PPHLN1: variants seen among roughly 807,000 people sequenced by gnomAD.
PPHLN1 encodes periphilin 1, also known as periphilin-1.
Under a neutral mutation model 51.3 loss-of-function variants are expected in PPHLN1, and 29 were observed. The observed-to-expected ratio is 0.57, with a 90% CI of 0.42 to 0.77. The LOEUF (loss-of-function observed/expected upper bound fraction) is 0.77, where lower values mean the gene tolerates loss of function less well. Among genes scored for constraint, PPHLN1 ranks in the 30% least tolerant of loss-of-function variants. The pLI is 0.00. For synonymous variants in PPHLN1, 147 were observed against 147.8 expected (o/e 0.99, Z 0.04); for missense variants, 436 against 438.4 (o/e 0.99, Z 0.05).
chr12:42,431,512 A>G (rs2082033926), intron 9 of PPHLN1, among the ~76,000 whole-genome samples: 1 of 152,188 alleles, frequency 6.6e-6, no homozygotes, highest in Non-Finnish European at 1.5e-5. Context: ...TTAACATATG[A>G]TTTATTCAGG....
At chr12:42,410,562 G>A (rs1168322562) in intron 9 of PPHLN1, among the ~76,000 whole-genome samples, 1 of 152,158 alleles carries the variant, frequency 6.6e-6, no homozygotes, top group Non-Finnish European at 1.5e-5. Context: ...TGTTTGTTTA[G>A]CAGTTATGAA....
chr12:42,441,146 G>A (rs2082915694), intron 9 of PPHLN1, among the ~76,000 whole-genome samples, 169 bp from the exon 10 acceptor site: 1 of 152,142 alleles, frequency 6.6e-6, no homozygotes, highest in Non-Finnish European at 1.5e-5. Context: ...ATGGATAGAG[G>A]TTTAAATGGC....
intron 9 of PPHLN1, among the ~76,000 whole-genome samples, chr12:42,411,470 G>A (rs188453251): frequency 6.8e-6 from 1 of 146,610 alleles, no homozygotes; most frequent in Non-Finnish European, 1.5e-5. Context: ...TGAGACCATC[G>A]TTACGAGACT....
intron 4 of PPHLN1, among the ~76,000 whole-genome samples, chr12:42,356,684 G>C (rs60598518): frequency 0.12 from 17,573 of 152,150 alleles, 1,296 homozygotes; most frequent in African/African-American, 0.21. Flanking sequence ...TCACCAAGTA[G>C]TTATAAAAAT....
At chr12:42,339,865 T>TCTA (rs59538027) in intron 2 of PPHLN1, among the ~76,000 whole-genome samples, 146,771 of 152,224 alleles carry the variant, frequency 0.96, 71,004 homozygotes, top group Middle Eastern at 1. Flanking sequence ...CACAGATACA[T>TCTA]CTGCTGTTGT....
At chr12:42,405,302 T>A (rs1011155529) in intron 9 of PPHLN1, among the ~76,000 whole-genome samples, 7 of 152,254 alleles carry the variant, frequency 4.6e-5, no homozygotes, top group African/African-American at 1.2e-4. Context: ...CTCTTAACTA[T>A]TGTTTAATTC....
intron 9 of PPHLN1, among the ~76,000 whole-genome samples, chr12:42,435,340 C>T (rs2082388444): frequency 6.6e-6 from 1 of 152,192 alleles, no homozygotes; most frequent in East Asian, 1.9e-4. Flanking sequence ...AATGTAGGCA[C>T]TATAGCTCTG....
chr12:42,394,290 T>C (rs1012310937), intron 8 of PPHLN1, among the ~76,000 whole-genome samples: 2 of 152,122 alleles, frequency 1.3e-5, no homozygotes, highest in East Asian at 1.9e-4. Flanking sequence ...AAGGGAAATA[T>C]AGAAATTCTG....
At chr12:42,346,281 T>A (rs1412345285) in intron 2 of PPHLN1, among the ~76,000 whole-genome samples, 1 of 152,158 alleles carries the variant, frequency 6.6e-6, no homozygotes, top group Non-Finnish European at 1.5e-5. Flanking sequence ...TCTGTGTATT[T>A]GAGCTCTTTT....
chr12:42,363,186 G>A (rs1359993199), intron 4 of PPHLN1, among the ~76,000 whole-genome samples: 4 of 152,148 alleles, frequency 2.6e-5, no homozygotes, highest in Non-Finnish European at 5.9e-5. Flanking sequence ...TTATAACCTT[G>A]TAGGTAAGGC....
chr12:42,347,832 T>C (rs1434398971), intron 2 of PPHLN1, among the ~76,000 whole-genome samples: 3 of 152,168 alleles, frequency 2.0e-5, no homozygotes, highest in South Asian at 2.1e-4. Context: ...ATAGATTTTA[T>C]TGGGAACAGA....
intron 5 of PPHLN1, among the ~76,000 whole-genome samples, chr12:42,384,449 G>A (rs2077024025): frequency 6.6e-6 from 1 of 152,164 alleles, no homozygotes; most frequent in African/African-American, 2.4e-5. Context: ...GATTCTAAGT[G>A]TGGGATAATT....
At chr12:42,420,901 T>G (rs1345523883) in intron 9 of PPHLN1, among the ~76,000 whole-genome samples, 2 of 152,064 alleles carry the variant, frequency 1.3e-5, no homozygotes, top group African/African-American at 4.8e-5. Flanking sequence ...TAATGTCAAC[T>G]GTCTTCCCTG....
At chr12:42,379,655 C>T (rs1318050352) in intron 5 of PPHLN1, among the ~76,000 whole-genome samples, 1 of 151,820 alleles carries the variant, frequency 6.6e-6, no homozygotes, top group African/African-American at 2.4e-5. Context: ...TACCATTAAA[C>T]AAAATGCCTC....
chr12:42,333,777 C>G (rs552902776), intron 1 of PPHLN1, among the ~76,000 whole-genome samples: 1 of 152,176 alleles, frequency 6.6e-6, no homozygotes, highest in South Asian at 2.1e-4. Flanking sequence ...CCGCTGCGCC[C>G]GGCCAACCTC....
At chr12:42,429,439 T>C (rs1205331722) in intron 9 of PPHLN1, among the ~76,000 whole-genome samples, 1 of 152,220 alleles carries the variant, frequency 6.6e-6, no homozygotes, top group Non-Finnish European at 1.5e-5. Flanking sequence ...CTTCCCTATA[T>C]TCCAAGATTC....
chr12:42,387,244 G>A (rs2077268086), intron 6 of PPHLN1: 3 of 414,340 alleles, frequency 7.2e-6, no homozygotes, highest in Non-Finnish European at 1.2e-5. Context: ...TGGCTTCTAT[G>A]ATATCCTTTG....
intron 3 of PPHLN1, among the ~76,000 whole-genome samples, chr12:42,353,734 C>T (rs897941617): frequency 9.2e-5 from 14 of 151,998 alleles, no homozygotes; most frequent in African/African-American, 2.2e-4. Flanking sequence ...TTTAGTGCAC[C>T]GTCTCAGTTG....
intron 4 of PPHLN1, among the ~76,000 whole-genome samples, chr12:42,365,422 CT>C (rs1222306575): frequency 1.3e-5 from 2 of 152,148 alleles, no homozygotes; most frequent in Non-Finnish European, 2.9e-5. Flanking sequence ...CTTCCCTTCC[CT>C]TGTATCCCTT....
Sources: gnomAD v4.1 joint callset for allele counts (sites outside exome capture counted in the v4.1 genomes callset) on GRCh38, gnomAD v4.1.1 for gene constraint, MANE v1.5 for transcripts, NCBI Gene and HGNC (gene_info 2026-07-23, HGNC 2026-07-21) for gene names.